The following DRAM1 variants were observed in gnomAD, a reference collection of about 807,000 sequenced individuals.
DRAM1 encodes DNA damage regulated autophagy modulator 1.
In DRAM1, 25 loss-of-function variants were observed where a neutral mutation model predicts 28.5. The ratio of observed to expected loss-of-function variants is 0.88; its 90% CI spans 0.64 to 1.23. The LOEUF (loss-of-function observed/expected upper bound fraction) is 1.23, where lower values mean the gene tolerates loss of function less well. DRAM1 is among the 50% of genes most tolerant of loss of function. The pLI, the probability that DRAM1 is intolerant of heterozygous loss-of-function variation, is 0.00. For synonymous variants in DRAM1, 113 were observed against 114.2 expected (o/e 0.99, Z 0.07); for missense variants, 249 against 299.2 (o/e 0.83, Z 1.24).
chr12:101,896,446 A>G (rs1440218893), intron 1 of DRAM1, among the ~76,000 whole-genome samples: 2 of 152,172 alleles, frequency 1.3e-5, no homozygotes, highest in East Asian at 3.9e-4. Context: ...AATGAAAAAA[A>G]TTAAAGCTTG....
chr12:101,911,773 A>G (rs981290856), intron 4 of DRAM1, among the ~76,000 whole-genome samples: 1 of 126,992 alleles, frequency 7.9e-6, no homozygotes, highest in Non-Finnish European at 1.5e-5. Flanking sequence ...CATTGAAATG[A>G]TATCATCAGC....
intron 1 of DRAM1, among the ~76,000 whole-genome samples, chr12:101,883,260 G>A (rs1321580190): frequency 2.0e-5 from 3 of 150,132 alleles, no homozygotes; most frequent in Non-Finnish European, 4.4e-5. Context: ...TGGCAGATGG[G>A]GAAAAAGGAT....
intron 1 of DRAM1, among the ~76,000 whole-genome samples, chr12:101,886,522 A>G (rs1329046215): frequency 1.3e-5 from 2 of 152,190 alleles, no homozygotes; most frequent in East Asian, 3.9e-4. Context: ...TTTAGAAGTG[A>G]TCGCTTTATA....
At chr12:101,892,553 C>T (rs1873180049) in intron 1 of DRAM1, among the ~76,000 whole-genome samples, 1 of 151,912 alleles carries the variant, frequency 6.6e-6, no homozygotes, top group Non-Finnish European at 1.5e-5. Flanking sequence ...TAATGTGCGC[C>T]CAGCCTTCTT....
chr12:101,891,752 C>T (rs941604017), intron 1 of DRAM1, among the ~76,000 whole-genome samples: 2 of 152,208 alleles, frequency 1.3e-5, no homozygotes, highest in African/African-American at 4.8e-5. Context: ...GCCTTATTAG[C>T]AAGGAGGCAA....
Position 101,898,066 on chromosome 12 carries a change from G to A in DRAM1, c.199+136G>A, listed in dbSNP as rs145228804. The stretch of plus-strand genomic sequence containing the variant: ...CTGAGACAGGGTCTCTGTCATCCAG[G>A]CTGGAGTGCAGTGGCGTGATCACGG... On this transcript the variant is annotated intron_variant, in intron 2 of 6. Coordinates refer to ENST00000258534, the MANE Select transcript of DRAM1 (RefSeq NM_018370.3). 4.9e-3 allele frequency: 2,640 copies of A among 534,374 alleles called. 46 individuals carry two copies. Among genetic ancestry groups the A allele is most frequent in the African/African-American group, 0.048 (2,424 of 50,280 alleles). The allele number at this position is 534,374 out of a possible 1,614,324, so 33.1% of individuals were successfully genotyped here.
intron 5 of DRAM1, chr12:101,919,870 A>G: frequency 2.9e-6 from 1 of 344,508 alleles, no homozygotes. Context: ...GACAAACTAA[A>G]TCTTAAAACA....
intron 4 of DRAM1, among the ~76,000 whole-genome samples, chr12:101,912,025 C>A (rs1448308785): frequency 2.0e-5 from 3 of 151,930 alleles, no homozygotes; most frequent in Admixed American, 2.0e-4. Flanking sequence ...GTGGTGAAAC[C>A]CCATCTCTAC....
At chr12:101,885,988 T>G (rs1283923964) in intron 1 of DRAM1, among the ~76,000 whole-genome samples, 2 of 152,206 alleles carry the variant, frequency 1.3e-5, no homozygotes, top group African/African-American at 4.8e-5. Context: ...ATTGGTTGAA[T>G]GTTGAACAAG....
chr12:101,917,451 G>T (rs1874290606), intron 5 of DRAM1, among the ~76,000 whole-genome samples: 1 of 152,162 alleles, frequency 6.6e-6, no homozygotes, highest in South Asian at 2.1e-4. Flanking sequence ...ACTTTGGGAG[G>T]CCAAGGCGGG....
intron 4 of DRAM1, among the ~76,000 whole-genome samples, chr12:101,912,211 TAAATA>T (rs1874067794): frequency 6.6e-6 from 1 of 152,114 alleles, no homozygotes; most frequent in African/African-American, 2.4e-5. Context: ...AATACATAAA[TAAATA>T]AATAAATTTG....
At chr12:101,879,915 C>T (rs1238210977) in intron 1 of DRAM1, among the ~76,000 whole-genome samples, 11 of 151,446 alleles carry the variant, frequency 7.3e-5, no homozygotes, top group African/African-American at 2.2e-4. Context: ...TGCTTGAACC[C>T]GGGAGGCAGA....
At chr12:101,913,725 A>G (rs1363716573) in intron 4 of DRAM1, among the ~76,000 whole-genome samples, 1 of 151,378 alleles carries the variant, frequency 6.6e-6, no homozygotes, top group East Asian at 1.9e-4. Flanking sequence ...AAAAAAAAAA[A>G]AAAGGAAAGG....
chr12:101,920,086 C>G, intron 5 of DRAM1, 23 bp from the exon 6 acceptor site: 1 of 1,530,394 alleles, frequency 6.5e-7, no homozygotes, highest in Non-Finnish European at 8.9e-7. Context: ...CGGCTAAATT[C>G]TGTTTCTTTA....
At chr12:101,910,479 G>C (rs989225348) in intron 4 of DRAM1, among the ~76,000 whole-genome samples, 1 of 139,274 alleles carries the variant, frequency 7.2e-6, no homozygotes, top group Non-Finnish European at 1.6e-5. Context: ...TTTCTAGAAA[G>C]TTTTTTTTTT....
At chr12:101,891,905 G>T (rs4764832) in intron 1 of DRAM1, among the ~76,000 whole-genome samples, 96,991 of 152,100 alleles carry the variant, frequency 0.64, 32,543 homozygotes, top group East Asian at 0.91. Flanking sequence ...ATTCTCCAGT[G>T]TACTGAATCA....
At chr12:101,890,740 C>A (rs1280555253) in intron 1 of DRAM1, among the ~76,000 whole-genome samples, 2 of 135,774 alleles carry the variant, frequency 1.5e-5, no homozygotes, top group Non-Finnish European at 3.0e-5. Flanking sequence ...AGGGTGCCCC[C>A]GCCATTCTAT....
intron 1 of DRAM1, chr12:101,889,986 A>G (rs575908111): frequency 6.9e-5 from 30 of 434,692 alleles, no homozygotes; most frequent in African/African-American, 6.1e-4. Context: ...AGTACTTTCT[A>G]ATGTTGTGAA....
At chr12:101,907,248 A>G (rs57454316) in intron 3 of DRAM1, among the ~76,000 whole-genome samples, 9,627 of 151,132 alleles carry the variant, frequency 0.064, 761 homozygotes, top group African/African-American at 0.18. Flanking sequence ...TTTGCATAAC[A>G]AAAGCAGTGG....
Sources: gnomAD v4.1 joint callset for allele counts (sites outside exome capture counted in the v4.1 genomes callset) on GRCh38, gnomAD v4.1.1 for gene constraint, MANE v1.5 for transcripts, NCBI Gene and HGNC (gene_info 2026-07-23, HGNC 2026-07-21) for gene names.